EIPR1: variants seen among roughly 807,000 people sequenced by gnomAD.
EIPR1 encodes EARP and GARP complex-interacting protein 1.
Under a neutral mutation model 48.1 loss-of-function variants are expected in EIPR1, and 25 were observed. That is an observed-to-expected ratio of 0.52 (90% confidence interval 0.38 to 0.73). The LOEUF is 0.73. EIPR1 is among the 30% of genes least tolerant of loss of function. EIPR1 has a pLI of 0.00. For synonymous variants in EIPR1, 204 were observed against 201.9 expected, an observed-to-expected ratio of 1.01 and a Z score of -0.09; for missense variants, 415 against 506.2, an observed-to-expected ratio of 0.82 and a Z score of 1.73.
intron 1 of EIPR1, among the ~76,000 whole-genome samples, chr2:3,360,362 C>T (rs1670822720): frequency 6.6e-6 from 1 of 151,182 alleles, no homozygotes; most frequent in South Asian, 2.1e-4. Flanking sequence ...CTAGATCGTG[C>T]CATTGCACTC....
At chr2:3,280,699 G>A (rs560860954) in intron 3 of EIPR1, among the ~76,000 whole-genome samples, 1 of 152,274 alleles carries the variant, frequency 6.6e-6, no homozygotes, top group African/African-American at 2.4e-5. Context: ...CCCATGAGAG[G>A]CCACTGGCAT....
chr2:3,322,948 C>T (rs768058420), intron 3 of EIPR1, among the ~76,000 whole-genome samples: 13 of 152,164 alleles, frequency 8.5e-5, no homozygotes, highest in Non-Finnish European at 1.8e-4. Flanking sequence ...GGCGTACGTG[C>T]GAGGTGTCCC....
chr2:3,265,218 G>A (rs1267778606), intron 3 of EIPR1, among the ~76,000 whole-genome samples: 2 of 93,408 alleles, frequency 2.1e-5, no homozygotes, highest in Admixed American at 1.1e-4. Flanking sequence ...AGGTGTCTCT[G>A]GCATCGTCAC....
chr2:3,223,965 G>A (rs886848488), intron 4 of EIPR1, among the ~76,000 whole-genome samples: 4 of 152,126 alleles, frequency 2.6e-5, no homozygotes, highest in African/African-American at 4.8e-5. Context: ...GGGAACAAAC[G>A]CTTCAGAGTA....
chr2:3,290,152 G>A (rs1020648949), intron 3 of EIPR1, among the ~76,000 whole-genome samples: 1 of 152,232 alleles, frequency 6.6e-6, no homozygotes. Context: ...GCTGGTGGGT[G>A]CTACAGGCCC....
intron 3 of EIPR1, among the ~76,000 whole-genome samples, chr2:3,270,264 G>C (rs1667665482): frequency 6.6e-6 from 1 of 152,238 alleles, no homozygotes; most frequent in African/African-American, 2.4e-5. Flanking sequence ...CAGGGTCTCA[G>C]TTCCAAAGAG....
intron 4 of EIPR1, among the ~76,000 whole-genome samples, chr2:3,217,541 T>A (rs1187201318): frequency 6.6e-6 from 1 of 152,132 alleles, no homozygotes; most frequent in Non-Finnish European, 1.5e-5. Flanking sequence ...ATATTTCACA[T>A]AGCTAAGATT....
intron 3 of EIPR1, among the ~76,000 whole-genome samples, chr2:3,258,697 A>T (rs1248122627): frequency 1.3e-5 from 2 of 152,228 alleles, no homozygotes; most frequent in Non-Finnish European, 2.9e-5. Context: ...TATTATTAAT[A>T]CCATTGTTAA....
chr2:3,222,611 G>A (rs373573974), intron 4 of EIPR1, among the ~76,000 whole-genome samples: 18 of 152,196 alleles, frequency 1.2e-4, no homozygotes, highest in African/African-American at 4.1e-4. Context: ...ACATTGTAAG[G>A]CTGTGATGAA....
chr2:3,212,214 A>C (rs938702397), intron 5 of EIPR1, among the ~76,000 whole-genome samples: 20 of 152,372 alleles, frequency 1.3e-4, no homozygotes, highest in Admixed American at 1.2e-3. Flanking sequence ...GCAGAAAATA[A>C]GTTACAGATT....
At chr2:3,223,929 C>A (rs926622319) in intron 4 of EIPR1, among the ~76,000 whole-genome samples, 1 of 152,192 alleles carries the variant, frequency 6.6e-6, no homozygotes, top group African/African-American at 2.4e-5. Flanking sequence ...GTGGCACCCA[C>A]CTCTTCCAAC....
At chr2:3,350,142 A>AAC (rs1417710782) in intron 2 of EIPR1, among the ~76,000 whole-genome samples, 10 of 149,182 alleles carry the variant, frequency 6.7e-5, no homozygotes, top group Non-Finnish European at 1.2e-4. Flanking sequence ...AAAAAAAAAA[A>AAC]AACTACCTGA....
At chr2:3,291,728 G>A (rs1022588908) in intron 3 of EIPR1, among the ~76,000 whole-genome samples, 1 of 151,982 alleles carries the variant, frequency 6.6e-6, no homozygotes, top group Non-Finnish European at 1.5e-5. Flanking sequence ...TAATAGACGT[G>A]GAAGTTATTA....
chr2:3,298,645 T>G (rs1239715048), intron 3 of EIPR1, among the ~76,000 whole-genome samples: 1 of 147,218 alleles, frequency 6.8e-6, no homozygotes, highest in Admixed American at 6.9e-5. Flanking sequence ...ATGTCGTGGG[T>G]TCTTGATCTC....
intron 3 of EIPR1, among the ~76,000 whole-genome samples, chr2:3,334,493 A>G (rs1389010846): frequency 1.3e-5 from 2 of 152,246 alleles, no homozygotes; most frequent in Non-Finnish European, 2.9e-5. Context: ...CTGTGACTCC[A>G]GGCTTTTCCG....
intron 4 of EIPR1, among the ~76,000 whole-genome samples, chr2:3,224,133 T>C (rs1351380292): frequency 1.3e-5 from 2 of 152,222 alleles, no homozygotes; most frequent in Non-Finnish European, 2.9e-5. Flanking sequence ...GCCTGCCTGA[T>C]TCCCGCCTTA....
rs1443213306 is a variant in EIPR1 at position 3,286,756 on chromosome 2, G to C, written c.260-29301C>G. On this transcript the variant is annotated intron_variant, in intron 3 of 8. Transcript: ENST00000382125. This position sits in a 1 kb window ranked among gnomAD's most constrained non-coding sequence, Gnocchi z 4.2. Reference sequence around the variant, plus strand: ...GAGTCCATCCTCCCAGCAGCTCCAAGAGGCGGAGCTATCAATTTCACATAC... The same window carrying C: ...GAGTCCATCCTCCCAGCAGCTCCAACAGGCGGAGCTATCAATTTCACATAC... Among the ~76,000 whole-genome samples, 4 of 152,248 alleles carry C rather than the reference G, an allele frequency of 2.6e-5. No homozygotes were observed. In the East Asian group the frequency reaches 5.8e-4, roughly 22 times the overall value.
intron 2 of EIPR1, 40 bp from the exon 3 acceptor site, chr2:3,338,189 C>T (rs201909575): frequency 6.2e-7 from 1 of 1,602,646 alleles, no homozygotes; most frequent in African/African-American, 1.3e-5. Context: ...ATCTCAAACA[C>T]TTTCCTCAGT....
chr2:3,330,067 G>A (rs1187630576), intron 3 of EIPR1, among the ~76,000 whole-genome samples: 1 of 152,234 alleles, frequency 6.6e-6, no homozygotes, highest in Non-Finnish European at 1.5e-5. Flanking sequence ...GGCTTCCTGG[G>A]TCAGAGGTCC....
Sources: gnomAD v4.1 joint callset for allele counts (sites outside exome capture counted in the v4.1 genomes callset) on GRCh38, gnomAD v4.1.1 for gene constraint, Gnocchi (gnomAD v3.1) non-coding constraint, MANE v1.5 for transcripts, NCBI Gene and HGNC (gene_info 2026-07-23, HGNC 2026-07-21) for gene names.